Variants in BCHE observed in about 807,000 individuals in gnomAD.
BCHE encodes butyrylcholinesterase.
A neutral mutation model predicts 51.3 loss-of-function variants in BCHE; 48 were observed. The observed-to-expected ratio is 0.94, with a 90% CI of 0.74 to 1.19. The LOEUF is 1.19. Among genes scored for constraint, BCHE ranks in the 50% most tolerant of loss-of-function variants. The probability of loss-of-function intolerance (pLI) is 0.00; values close to 1 mark genes in which losing one functional copy is unlikely to be tolerated. For missense variants in BCHE, 847 were observed against 708.2 expected (o/e 1.20, Z -2.23); for synonymous variants, 251 against 238.0 (o/e 1.05, Z -0.50).
intron 2 of BCHE, among the ~76,000 whole-genome samples, chr3:165,794,275 C>T (rs995530818): frequency 6.6e-6 from 1 of 152,056 alleles, no homozygotes; most frequent in Non-Finnish European, 1.5e-5. Flanking sequence ...CCTTTTCTTT[C>T]ATGGTTTTCT....
chr3:165,831,072 A>C, intron 1 of BCHE, 31 bp from the exon 2 acceptor site: 1 of 1,534,598 alleles, frequency 6.5e-7, no homozygotes, highest in East Asian at 2.3e-5. Context: ...ATGTTTTATA[A>C]GCCTTCTGCA....
In BCHE at chr3:165,773,137, T is replaced by C; in HGVS notation, c.*245A>G. On this transcript the variant is annotated 3_prime_UTR_variant, in exon 4 of 4. Transcript: ENST00000264381. ...AGAAAGAAATTGAACCAGGCCATTG[T>C]TTTAATATGCACATAATTAACTGTA... 3.1e-6 allele frequency: 1 copy of C among 325,368 alleles called. No individual in the cohort carries two copies. Among genetic ancestry groups the C allele is most frequent in the South Asian group, 6.9e-5 (1 of 14,584 alleles). The allele number at this position is 325,368 out of a possible 1,614,324, so 20.2% of individuals were successfully genotyped here. A position where few individuals can be genotyped will look rare whatever the true frequency, so the allele number is the denominator to read the frequency against.
At chr3:165,823,764 A>AT (rs921838878) in intron 2 of BCHE, among the ~76,000 whole-genome samples, 3 of 151,652 alleles carry the variant, frequency 2.0e-5, no homozygotes, top group Middle Eastern at 3.4e-3. Flanking sequence ...ATTACTACAT[A>AT]TTTTTTTTCT....
intron 2 of BCHE, among the ~76,000 whole-genome samples, chr3:165,801,046 A>C (rs975396056): frequency 6.6e-6 from 1 of 152,172 alleles, no homozygotes; most frequent in African/African-American, 2.4e-5. Flanking sequence ...TTGAAAGCCA[A>C]CCTTCCTTCC....
intron 1 of BCHE, 114 bp from the exon 2 acceptor site, chr3:165,831,155 C>A: frequency 2.1e-6 from 2 of 955,800 alleles, no homozygotes; most frequent in South Asian, 3.3e-5. Context: ...ATTATGAAAA[C>A]AAATAAACCT....
chr3:165,830,097 G>A lies in BCHE; in HGVS notation c.937C>T (p.Pro313Ser), dbSNP rs572660949. ...GTCGGACCAAAGTTTACTGACAAAG[G>A]AGTCCCATAGGGGACAACAAATGCT... ...NEAFVVPYGTPLSVNFGPTVD... is the reference protein window; with the variant it reads ...NEAFVVPYGTSLSVNFGPTVD... Residue 313 changes from proline to serine, a missense_variant, in exon 2 of 4, where the codon CCT becomes TCT. By Grantham distance (74) the Pro-to-Ser change is moderately conservative (BLOSUM62 -1). Transcript: ENST00000264381. 9.4e-5 allele frequency: 151 copies of A among 1,613,544 alleles called. 1 individual carries two copies. The South Asian group carries it at 1.6e-3, about 17-fold the overall frequency.
At position 165,773,210 on chromosome 3, in the gene BCHE, T is replaced by C. The variant is rs899955848; in HGVS notation, c.*172A>G. 7 of 588,188 alleles carry C rather than the reference T, an allele frequency of 1.2e-5. No individual in the cohort carries two copies. Among genetic ancestry groups the C allele is most frequent in the Admixed American group, 6.7e-5 (2 of 29,636 alleles). The allele number at this position is 588,188 out of a possible 1,614,324, so 36.4% of individuals were successfully genotyped here. On this transcript the variant is annotated 3_prime_UTR_variant, in exon 4 of 4. Transcript: ENST00000264381. The stretch of plus-strand genomic sequence containing the variant: ...ATTAAACACGTTCTAGCCATTTGGG[T>C]TTTGAAATGCTAGGTAAAATACTAA...
intron 3 of BCHE, chr3:165,777,824 A>G (rs1466438155): frequency 2.2e-6 from 1 of 450,550 alleles, no homozygotes; most frequent in Non-Finnish European, 4.5e-6. Flanking sequence ...ACAAGTATGA[A>G]AACCTTTGTG....
At chr3:165,807,521 T>C (rs1447547639) in intron 2 of BCHE, among the ~76,000 whole-genome samples, 1 of 147,418 alleles carries the variant, frequency 6.8e-6, no homozygotes, top group Admixed American at 6.7e-5. Flanking sequence ...TTATGAGATT[T>C]ATTTATTTAT....
intron 2 of BCHE, among the ~76,000 whole-genome samples, chr3:165,799,399 TAC>T (rs775186163): frequency 2.6e-5 from 4 of 152,180 alleles, no homozygotes; most frequent in Non-Finnish European, 5.9e-5. Flanking sequence ...TGTATTAATA[TAC>T]ACAGTGTCTA....
intron 1 of BCHE, among the ~76,000 whole-genome samples, chr3:165,835,695 A>G (rs1011211741): frequency 8.5e-5 from 13 of 152,070 alleles, no homozygotes; most frequent in Admixed American, 7.9e-4. Flanking sequence ...TTCTTCAGCT[A>G]TGCTTTAGGC....
chr3:165,773,389 C>T lies in BCHE; in HGVS notation c.1802G>A (p.Gly601Asp). The change falls in exon 4 of 4, where the codon GGT becomes GAT. Residue 601 changes from glycine (G) to aspartate (D), a missense_variant. By Grantham distance (94) the Gly-to-Asp change is moderately conservative. Coordinates refer to ENST00000264381, the MANE Select transcript of BCHE (RefSeq NM_000055.4). ...AAAGGGTAAATCTATTAATTAGAGA[C>T]CCACACAACTTTCTTTCTTGCTAGT... The part of the protein sequence containing the change: ...DYTSKKESCV[G>D]L 3 of 1,610,036 alleles carry T rather than the reference C, an allele frequency of 1.9e-6. No individual in the cohort carries two copies. The highest frequency in any genetic ancestry group is 2.5e-6 in the Non-Finnish European group (3 of 1,177,314).
chr3:165,803,991 A>G (rs1713772136), intron 2 of BCHE, among the ~76,000 whole-genome samples: 1 of 151,584 alleles, frequency 6.6e-6, no homozygotes, highest in African/African-American at 2.4e-5. Context: ...GCTGCAGTAT[A>G]TTACAATATT....
intron 2 of BCHE, among the ~76,000 whole-genome samples, chr3:165,827,729 G>A (rs908962357): frequency 3.3e-5 from 5 of 152,008 alleles, no homozygotes; most frequent in Middle Eastern, 3.2e-3. Flanking sequence ...TATAAATGAT[G>A]TAATATGGAT....
chr3:165,810,929 T>C (rs964413135), intron 2 of BCHE, among the ~76,000 whole-genome samples: 2 of 152,156 alleles, frequency 1.3e-5, no homozygotes, highest in East Asian at 3.9e-4. Context: ...GATTAATATA[T>C]AACAACTCTA....
intron 3 of BCHE, among the ~76,000 whole-genome samples, chr3:165,781,900 G>T (rs1262569290): frequency 1.3e-5 from 2 of 151,968 alleles, no homozygotes; most frequent in Non-Finnish European, 2.9e-5. Context: ...TTGCCTAATG[G>T]ATGAATGATA....
intron 3 of BCHE, among the ~76,000 whole-genome samples, chr3:165,776,324 G>A (rs1712469754): frequency 6.6e-6 from 1 of 151,816 alleles, no homozygotes; most frequent in Non-Finnish European, 1.5e-5. Flanking sequence ...TATTGTGAAG[G>A]GGATCAATAT....
At position 165,830,161 on chromosome 3, in the gene BCHE, A is replaced by G; in HGVS notation, c.873T>C (p.Cys291=). 1 of 1,613,950 alleles carries G rather than the reference A, an allele frequency of 6.2e-7. No homozygotes were observed. The highest frequency in any genetic ancestry group is 8.5e-7 in the Non-Finnish European group (1 of 1,179,912). The change falls in exon 2 of 4, where the codon TGT becomes TGC. Residue 291 remains cysteine, a synonymous_variant. Coordinates refer to ENST00000264381, the MANE Select transcript of BCHE (RefSeq NM_000055.4). ...TTTCTTGGGGATCTTTATTTCTAAG[A>G]CACTTGATTATTTCAGTCTCATTCT... ...SRENETEIIK[C]LRNKDPQEIL...
In BCHE at chr3:165,829,926, T is replaced by C; in HGVS notation, c.1108A>G (p.Asn370Asp). ...YGAPGFSKDN[N>D]SIITRKEFQE... ...AATTCTTTTCTAGTTATGATACTATTGTTATCTTTGCTGAAGCCAGGAGCA... is the reference window on the plus strand; with the variant it reads ...AATTCTTTTCTAGTTATGATACTATCGTTATCTTTGCTGAAGCCAGGAGCA... Residue 370 changes from asparagine to aspartate, a missense_variant, in exon 2 of 4, where the codon AAT becomes GAT. Transcript: ENST00000264381. 1.2e-6 allele frequency: 2 copies of C among 1,613,488 alleles called. No individual in the cohort carries two copies. Among genetic ancestry groups the C allele is most frequent in the Non-Finnish European group, 1.7e-6 (2 of 1,179,774 alleles).
Sources: gnomAD v4.1 joint callset for allele counts (sites outside exome capture counted in the v4.1 genomes callset) on GRCh38, gnomAD v4.1.1 for gene constraint, MANE v1.5 for transcripts, NCBI Gene and HGNC (gene_info 2026-07-23, HGNC 2026-07-21) for gene names.